Variants in SLC2A12 observed in about 807,000 individuals in gnomAD.
The protein encoded by SLC2A12 is solute carrier family 2, facilitated glucose transporter member 12.
In SLC2A12, 23 loss-of-function variants were observed where a neutral mutation model predicts 41.8. That is an observed-to-expected ratio of 0.55 (90% confidence interval 0.40 to 0.78). The LOEUF (loss-of-function observed/expected upper bound fraction) is 0.78, where lower values mean the gene tolerates loss of function less well. Ranked by LOEUF, SLC2A12 falls within the 30% of genes least tolerant of loss-of-function variation. The pLI, the probability that SLC2A12 is intolerant of heterozygous loss-of-function variation, is 0.00. For synonymous variants in SLC2A12, 295 were observed against 285.9 expected (o/e 1.03, Z -0.32); for missense variants, 654 against 745.6 (o/e 0.88, Z 1.43).
intron 1 of SLC2A12, among the ~76,000 whole-genome samples, chr6:134,030,685 T>C (rs912558892): frequency 1.3e-5 from 2 of 152,240 alleles, no homozygotes; most frequent in African/African-American, 4.8e-5. Flanking sequence ...GTTCTCATTA[T>C]GTTTTAGGAA....
At chr6:134,051,814 T>C (rs1643556621) in intron 1 of SLC2A12, among the ~76,000 whole-genome samples, 1 of 152,198 alleles carries the variant, frequency 6.6e-6, no homozygotes, top group Non-Finnish European at 1.5e-5. Context: ...AACGCTCAAA[T>C]TCATCACAAA....
At chr6:134,039,954 C>T (rs76967055) in intron 1 of SLC2A12, among the ~76,000 whole-genome samples, 1 of 152,070 alleles carries the variant, frequency 6.6e-6, no homozygotes, top group South Asian at 2.1e-4. Flanking sequence ...CGAGGCCTCC[C>T]CAGAAGCAGA....
At position 133,991,214 on chromosome 6, in the gene SLC2A12, A is replaced by G. The variant is rs767552527; in HGVS notation, c.1795T>C (p.Leu599=). The G allele has an allele frequency of 3.1e-6, 5 of 1,614,150 alleles. No individual in the cohort carries two copies. In the Admixed American group the frequency reaches 6.7e-5, roughly 22 times the overall value. ...PQKRKPQEQL[L]ECNKLCGRGQ... ...CTACCACACAGCTTGTTACACTCCAAGAGCTGCTCCTGGGGTTTTCTTTTT... is the reference window on the plus strand; with the variant it reads ...CTACCACACAGCTTGTTACACTCCAGGAGCTGCTCCTGGGGTTTTCTTTTT... Residue 599 remains leucine, a synonymous_variant, in exon 5 of 5, where the codon TTG becomes CTG. Transcript: ENST00000275230.
intron 1 of SLC2A12, among the ~76,000 whole-genome samples, chr6:134,041,873 G>T (rs1777386422): frequency 6.6e-6 from 1 of 152,126 alleles, no homozygotes; most frequent in Admixed American, 6.5e-5. Context: ...ACCCGCAGCT[G>T]TCTTTCCTAG....
At chr6:133,999,546 C>A (rs1776731299) in intron 4 of SLC2A12, among the ~76,000 whole-genome samples, 1 of 152,178 alleles carries the variant, frequency 6.6e-6, no homozygotes, top group Non-Finnish European at 1.5e-5. Flanking sequence ...TCTGCCTTCA[C>A]TACCTTGGAA....
At chr6:134,001,485 AT>A (rs1241061479) in intron 4 of SLC2A12, among the ~76,000 whole-genome samples, 1 of 152,242 alleles carries the variant, frequency 6.6e-6, no homozygotes, top group Non-Finnish European at 1.5e-5. Context: ...AAATTATTAC[AT>A]TACAAAAAAG....
chr6:134,004,331 C>A (rs1452980822), intron 3 of SLC2A12, among the ~76,000 whole-genome samples: 3 of 152,130 alleles, frequency 2.0e-5, no homozygotes, highest in Admixed American at 2.0e-4. Flanking sequence ...TCTTGAGCTA[C>A]TTCTCAAAAG....
At chr6:134,042,178 GT>G (rs1777390620) in intron 1 of SLC2A12, among the ~76,000 whole-genome samples, 1 of 152,044 alleles carries the variant, frequency 6.6e-6, no homozygotes, top group South Asian at 2.1e-4. Context: ...AGGATTTGAA[GT>G]TGTTTTTATA....
intron 2 of SLC2A12, among the ~76,000 whole-genome samples, 184 bp downstream of exon 2, chr6:134,028,197 G>A (rs1009318054): frequency 1.3e-5 from 2 of 152,190 alleles, no homozygotes; most frequent in Non-Finnish European, 2.9e-5. Flanking sequence ...TTATCTTTCA[G>A]TTGAATACTA....
intron 2 of SLC2A12, among the ~76,000 whole-genome samples, chr6:134,025,791 C>G (rs990853230): frequency 6.6e-6 from 1 of 152,196 alleles, no homozygotes; most frequent in Admixed American, 6.5e-5. Flanking sequence ...AAGTACTCCA[C>G]CAGCCTCGGC....
chr6:134,006,335 G>A (rs1776816730), intron 3 of SLC2A12, among the ~76,000 whole-genome samples: 1 of 152,032 alleles, frequency 6.6e-6, no homozygotes, highest in African/African-American at 2.4e-5. Context: ...TAGTGGGGGT[G>A]AGGAGATGGA....
intron 2 of SLC2A12, among the ~76,000 whole-genome samples, chr6:134,017,485 A>G (rs1427940308): frequency 6.6e-6 from 1 of 152,182 alleles, no homozygotes; most frequent in Non-Finnish European, 1.5e-5. Context: ...AGGCCTGGAG[A>G]AGCCAATGTG....
At chr6:134,013,386 A>T (rs1776913783) in intron 2 of SLC2A12, among the ~76,000 whole-genome samples, 1 of 152,160 alleles carries the variant, frequency 6.6e-6, no homozygotes, top group Admixed American at 6.5e-5. Flanking sequence ...TGTGTGAATT[A>T]AGCTATTAGC....
At chr6:134,039,772 T>C (rs1777355090) in intron 1 of SLC2A12, among the ~76,000 whole-genome samples, 1 of 152,244 alleles carries the variant, frequency 6.6e-6, no homozygotes, top group Non-Finnish European at 1.5e-5. Context: ...TATGAATGGC[T>C]TGGGCCATCT....
chr6:134,052,250 T>TACACACACACACAC (rs55702666), intron 1 of SLC2A12, 128 bp downstream of exon 1: 11,299 of 370,890 alleles, frequency 0.03, 510 homozygotes, highest in Middle Eastern at 0.039. Flanking sequence ...CGCGCGCGCA[T>TACACACACACACAC]ACACACACAC....
intron 2 of SLC2A12, among the ~76,000 whole-genome samples, chr6:134,019,375 C>T (rs1582609608): frequency 6.6e-6 from 1 of 152,168 alleles, no homozygotes; most frequent in Non-Finnish European, 1.5e-5. Flanking sequence ...AAAATCTTCA[C>T]GTTGTTCTGT....
intron 2 of SLC2A12, among the ~76,000 whole-genome samples, chr6:134,012,517 C>T (rs1310458774): frequency 6.6e-6 from 1 of 152,188 alleles, no homozygotes; most frequent in Admixed American, 6.5e-5. Flanking sequence ...CAACAGCTAA[C>T]ATTTTTTCAC....
chr6:134,011,081 T>C (rs1776876038), intron 2 of SLC2A12, among the ~76,000 whole-genome samples: 1 of 151,576 alleles, frequency 6.6e-6, no homozygotes, highest in African/African-American at 2.4e-5. Context: ...CCTAACAATT[T>C]GGAGGAAGCT....
At chr6:133,999,133 T>C (rs898443292) in intron 4 of SLC2A12, among the ~76,000 whole-genome samples, 3 of 152,156 alleles carry the variant, frequency 2.0e-5, no homozygotes, top group East Asian at 1.9e-4. Flanking sequence ...CTAGAAGATA[T>C]TGAAAATCTA....
Sources: gnomAD v4.1 joint callset for allele counts (sites outside exome capture counted in the v4.1 genomes callset) on GRCh38, gnomAD v4.1.1 for gene constraint, MANE v1.5 for transcripts, NCBI Gene and HGNC (gene_info 2026-07-23, HGNC 2026-07-21) for gene names.